Variants in CSMD1 observed in about 807,000 individuals in gnomAD.
CSMD1 encodes the protein CUB and sushi domain-containing protein 1.
A neutral mutation model predicts 417.5 loss-of-function variants in CSMD1; 213 were observed. The observed-to-expected ratio is 0.51, with a 90% confidence interval of 0.46 to 0.57. The LOEUF (loss-of-function observed/expected upper bound fraction) is 0.57. CSMD1 is among the 20% of genes least tolerant of loss of function. The pLI is 0.00. For missense variants in CSMD1, 6,923 were observed against 4,529.7 expected (o/e 1.53, Z -15.17); for synonymous variants, 2,862 against 1,736.8 (o/e 1.65, Z -16.11).
intron 2 of CSMD1, among the ~76,000 whole-genome samples, chr8:4,535,921 T>C (rs1797079752): frequency 6.6e-6 from 1 of 152,220 alleles, no homozygotes; most frequent in Non-Finnish European, 1.5e-5. Context: ...TGTTGATGTT[T>C]ATAATAAGAA....
chr8:4,976,306 C>T (rs1034500385), intron 1 of CSMD1, among the ~76,000 whole-genome samples: 3 of 152,164 alleles, frequency 2.0e-5, no homozygotes, highest in South Asian at 2.1e-4. Context: ...GGAGTAGCTA[C>T]CTCAGAAGTT....
chr8:3,909,648 A>T (rs902888823), intron 5 of CSMD1, among the ~76,000 whole-genome samples: 3 of 152,086 alleles, frequency 2.0e-5, no homozygotes, highest in African/African-American at 7.2e-5. Flanking sequence ...GGAATGGGTG[A>T]AGAGTCACCT....
At position 3,500,801 on chromosome 8, in the gene CSMD1, G is replaced by A. The variant is rs186485131; in HGVS notation, c.1345-7075C>T. ...GCAGAGTTGTAGGCATGGAAGAAGC[G>A]CTAAAGTGGATTGGCAGAATGGGAT... is the stretch of plus-strand genomic sequence containing the variant. On this transcript the variant is annotated intron_variant, in intron 10 of 69. Coordinates refer to ENST00000635120, the MANE Select transcript of CSMD1 (RefSeq NM_033225.6). 4.8e-3 allele frequency among the ~76,000 whole-genome samples: 738 copies of A among 152,244 alleles called. 7 individuals are homozygous for A. The highest frequency in any genetic ancestry group is 4.4e-3 in the Non-Finnish European group (297 of 68,012).
intron 3 of CSMD1, among the ~76,000 whole-genome samples, chr8:4,186,393 C>G (rs1277683116): frequency 6.6e-6 from 1 of 152,070 alleles, no homozygotes; most frequent in Non-Finnish European, 1.5e-5. Flanking sequence ...CTGCTCACCC[C>G]AAGACAGTCC....
chr8:3,250,162 G>A (rs2406454), intron 26 of CSMD1, among the ~76,000 whole-genome samples: 1 of 152,030 alleles, frequency 6.6e-6, no homozygotes, highest in East Asian at 1.9e-4. Context: ...CACCCATTAA[G>A]TCGTCATTTA....
chr8:3,481,963 G>C (rs1371668655), intron 11 of CSMD1, among the ~76,000 whole-genome samples: 1 of 152,166 alleles, frequency 6.6e-6, no homozygotes, highest in Admixed American at 6.5e-5. Context: ...GGAAATAAAT[G>C]TATCAGTAGA....
chr8:3,517,086 C>T (rs1229620461), intron 10 of CSMD1, among the ~76,000 whole-genome samples: 1 of 152,188 alleles, frequency 6.6e-6, no homozygotes, highest in Non-Finnish European at 1.5e-5. Context: ...GAAGGGGCAT[C>T]TGGCGGCCTT....
chr8:3,459,961 G>A (rs553421637), intron 12 of CSMD1, among the ~76,000 whole-genome samples: 2 of 152,140 alleles, frequency 1.3e-5, no homozygotes, highest in Admixed American at 6.5e-5. Flanking sequence ...CCAGAAACTG[G>A]CTAAGACACT....
At chr8:4,450,826 C>G (rs1426139778) in intron 2 of CSMD1, among the ~76,000 whole-genome samples, 3 of 152,090 alleles carry the variant, frequency 2.0e-5, no homozygotes, top group East Asian at 3.9e-4. Flanking sequence ...ACATACTGCA[C>G]TTGTGAGTAA....
chr8:4,747,827 G>A (rs116447217), intron 1 of CSMD1, among the ~76,000 whole-genome samples: 1,810 of 152,302 alleles, frequency 0.012, 34 homozygotes, highest in African/African-American at 0.04. Context: ...ATTTGTAAAT[G>A]TCTCTATTCA....
At chr8:3,254,174 C>T (rs930978264) in intron 26 of CSMD1, among the ~76,000 whole-genome samples, 1 of 152,142 alleles carries the variant, frequency 6.6e-6, no homozygotes, top group Non-Finnish European at 1.5e-5. Flanking sequence ...GTTGAAAGTT[C>T]TTTTCTTTAA....
At chr8:4,826,976 A>G (rs1308777145) in intron 1 of CSMD1, among the ~76,000 whole-genome samples, 1 of 152,110 alleles carries the variant, frequency 6.6e-6, no homozygotes, top group African/African-American at 2.4e-5. Flanking sequence ...CACGTTGAAT[A>G]CGACGGTAAG....
intron 1 of CSMD1, among the ~76,000 whole-genome samples, chr8:4,906,992 C>G (rs963746022): frequency 6.6e-6 from 1 of 152,170 alleles, no homozygotes; most frequent in Non-Finnish European, 1.5e-5. Context: ...TGTACTTATT[C>G]AAGACTTAAT....
At chr8:3,531,321 TTAAC>T (rs1342383312) in intron 10 of CSMD1, among the ~76,000 whole-genome samples, 1 of 152,204 alleles carries the variant, frequency 6.6e-6, no homozygotes, top group African/African-American at 2.4e-5. Flanking sequence ...ATCAAAACCT[TTAAC>T]TAAAATCTTT....
At chr8:2,941,722 A>G (rs1211103632) in intron 69 of CSMD1, among the ~76,000 whole-genome samples, 4 of 152,228 alleles carry the variant, frequency 2.6e-5, no homozygotes, top group African/African-American at 9.6e-5. Context: ...CAAGAGATGG[A>G]ACATCTATAT....
At chr8:3,714,056 A>ATAGATAGT (rs1801681146) in intron 6 of CSMD1, among the ~76,000 whole-genome samples, 1 of 151,610 alleles carries the variant, frequency 6.6e-6, no homozygotes, top group South Asian at 2.1e-4. Flanking sequence ...AGATAGATAG[A>ATAGATAGT]TAGATGTCCA....
At chr8:3,736,525 G>A (rs1053896310) in intron 6 of CSMD1, among the ~76,000 whole-genome samples, 1 of 152,164 alleles carries the variant, frequency 6.6e-6, no homozygotes. Flanking sequence ...GATCACTGGT[G>A]TGGACCACAT....
chr8:3,877,171 G>T (rs1213585436), intron 5 of CSMD1, among the ~76,000 whole-genome samples: 1 of 152,146 alleles, frequency 6.6e-6, no homozygotes, highest in East Asian at 1.9e-4. Flanking sequence ...TTTCCTACAG[G>T]AGAAGTGACT....
At chr8:3,025,293 A>G (rs1809785102) in intron 51 of CSMD1, among the ~76,000 whole-genome samples, 1 of 151,716 alleles carries the variant, frequency 6.6e-6, no homozygotes, top group Admixed American at 6.6e-5. Flanking sequence ...TTATTCTGAA[A>G]CTGTGTATTG....
Sources: gnomAD v4.1 joint callset for allele counts (sites outside exome capture counted in the v4.1 genomes callset) on GRCh38, gnomAD v4.1.1 for gene constraint, MANE v1.5 for transcripts, NCBI Gene and HGNC (gene_info 2026-07-23, HGNC 2026-07-21) for gene names.